TNNI3K: variants seen among roughly 807,000 people sequenced by gnomAD.
TNNI3K encodes the protein serine/threonine-protein kinase TNNI3K.
A neutral mutation model predicts 114.5 loss-of-function variants in TNNI3K; 140 were observed. The ratio of observed to expected loss-of-function variants is 1.22; its 90% CI spans 1.07 to 1.41. The LOEUF is 1.41. TNNI3K is among the 40% of genes most tolerant of loss of function. The pLI is 0.00. For missense variants in TNNI3K, 1,125 were observed against 1,007.6 expected, an observed-to-expected ratio of 1.12 and a Z score of -1.58; for synonymous variants, 347 against 347.5, an observed-to-expected ratio of 1.00 and a Z score of 0.02.
chr1:74,480,175 C>G (rs1207010779), intron 21 of TNNI3K: 1 of 717,100 alleles, frequency 1.4e-6, no homozygotes, highest in Non-Finnish European at 2.6e-6. Context: ...GGACAGTCAG[C>G]AGGGCCACAT....
chr1:74,495,113 T>C (rs1245965393), intron 23 of TNNI3K, among the ~76,000 whole-genome samples: 1 of 152,214 alleles, frequency 6.6e-6, no homozygotes, highest in South Asian at 2.1e-4. Flanking sequence ...AAGTGTTTTA[T>C]AGCCTTCTGG....
chr1:74,390,955 AT>A (rs1156673794), intron 17 of TNNI3K, among the ~76,000 whole-genome samples: 3 of 64,690 alleles, frequency 4.6e-5, no homozygotes, highest in African/African-American at 1.3e-4. Context: ...AAAAAAATAT[AT>A]TTTTTTCCGA....
At chr1:74,264,322 T>C (rs1483248707) in intron 4 of TNNI3K, among the ~76,000 whole-genome samples, 1 of 152,022 alleles carries the variant, frequency 6.6e-6, no homozygotes, top group Non-Finnish European at 1.5e-5. Context: ...TCATACTGAT[T>C]AATGGATACT....
chr1:74,451,699 C>CTTTTCT (rs1557575131), intron 20 of TNNI3K, among the ~76,000 whole-genome samples: 18 of 27,284 alleles, frequency 6.6e-4, no homozygotes, highest in African/African-American at 1.8e-3. Flanking sequence ...TTCTTTCTTT[C>CTTTTCT]TTTCTTTCTT....
chr1:74,491,591 G>A (rs568950847), intron 22 of TNNI3K, among the ~76,000 whole-genome samples: 105 of 152,304 alleles, frequency 6.9e-4, no homozygotes, highest in African/African-American at 2.4e-3. Context: ...GGTAAAGGGA[G>A]TGGCCTGTTC....
intron 2 of TNNI3K, among the ~76,000 whole-genome samples, chr1:74,246,835 T>G (rs1654591266): frequency 6.6e-6 from 1 of 152,196 alleles, no homozygotes; most frequent in Admixed American, 6.5e-5. Flanking sequence ...TTTGCTGTTT[T>G]CAAAGTGGAA....
At chr1:74,359,452 T>C (rs544865783) in intron 11 of TNNI3K, among the ~76,000 whole-genome samples, 76 of 152,132 alleles carry the variant, frequency 5.0e-4, no homozygotes, top group African/African-American at 1.7e-3. Context: ...AACCCTCTGA[T>C]GAAGGGCTTA....
chr1:74,487,142 T>C (rs1297867882), intron 21 of TNNI3K, among the ~76,000 whole-genome samples: 2 of 152,076 alleles, frequency 1.3e-5, no homozygotes, highest in East Asian at 1.9e-4. Flanking sequence ...GTTTTTAAGA[T>C]AGGAGAATGT....
chr1:74,324,431 G>T (rs988857836), intron 5 of TNNI3K, among the ~76,000 whole-genome samples: 2 of 152,192 alleles, frequency 1.3e-5, no homozygotes, highest in African/African-American at 4.8e-5. Flanking sequence ...CTGCCAATAT[G>T]ATGATCACTG....
chr1:74,412,127 G>T (rs1664908898), intron 17 of TNNI3K, among the ~76,000 whole-genome samples: 1 of 152,072 alleles, frequency 6.6e-6, no homozygotes, highest in African/African-American at 2.4e-5. Context: ...AGATTTGGAT[G>T]GCTCTTTGTC....
chr1:74,326,436 A>G (rs1180962280), intron 5 of TNNI3K, among the ~76,000 whole-genome samples: 1 of 152,326 alleles, frequency 6.6e-6, no homozygotes, highest in East Asian at 1.9e-4. Flanking sequence ...AAGAAATAAC[A>G]GTGAGGCCCT....
chr1:74,331,412 C>G (rs1391087770), intron 5 of TNNI3K, 38 bp from the exon 6 acceptor site: 27 of 1,596,520 alleles, frequency 1.7e-5, no homozygotes, highest in Non-Finnish European at 1.8e-5. Context: ...GCAGATAACT[C>G]AACTGAAGTT....
intron 23 of TNNI3K, among the ~76,000 whole-genome samples, chr1:74,537,746 G>A (rs1646677429): frequency 6.6e-6 from 1 of 152,104 alleles, no homozygotes; most frequent in Non-Finnish European, 1.5e-5. Context: ...TGGGTACTGT[G>A]ATAGAATTAT....
At chr1:74,475,954 T>G in intron 21 of TNNI3K, 1 of 450,938 alleles carries the variant, frequency 2.2e-6, no homozygotes, top group Non-Finnish European at 3.9e-6. Flanking sequence ...TGGAAAAATA[T>G]CAGTCCAGAC....
intron 17 of TNNI3K, among the ~76,000 whole-genome samples, chr1:74,410,428 C>T (rs1474289771): frequency 5.3e-5 from 8 of 152,226 alleles, no homozygotes; most frequent in African/African-American, 1.9e-4. Context: ...TCCAGGCTCC[C>T]TCAATATATG....
At chr1:74,533,743 T>C (rs2100448236) in intron 23 of TNNI3K, among the ~76,000 whole-genome samples, 1 of 152,096 alleles carries the variant, frequency 6.6e-6, no homozygotes, top group Non-Finnish European at 1.5e-5. Context: ...TAAAAAATGA[T>C]GAGTTCATGT....
chr1:74,486,440 A>G (rs1668768138), intron 21 of TNNI3K, among the ~76,000 whole-genome samples: 2 of 151,896 alleles, frequency 1.3e-5, no homozygotes, highest in Middle Eastern at 3.2e-3. Flanking sequence ...TTGCTGGTAT[A>G]TAAGAGTAAA....
intron 17 of TNNI3K, among the ~76,000 whole-genome samples, chr1:74,435,748 T>C (rs1344658745): frequency 6.6e-6 from 1 of 152,076 alleles, no homozygotes; most frequent in Non-Finnish European, 1.5e-5. Flanking sequence ...TTTCACTCTT[T>C]CCTTGTAACC....
intron 23 of TNNI3K, among the ~76,000 whole-genome samples, chr1:74,523,452 T>C (rs1478340691): frequency 6.6e-6 from 1 of 151,212 alleles, no homozygotes; most frequent in African/African-American, 2.4e-5. Flanking sequence ...TTTTTTTTAA[T>C]TTTCTTTTGA....
Sources: gnomAD v4.1 joint callset for allele counts (sites outside exome capture counted in the v4.1 genomes callset) on GRCh38, gnomAD v4.1.1 for gene constraint, MANE v1.5 for transcripts, NCBI Gene and HGNC (gene_info 2026-07-23, HGNC 2026-07-21) for gene names.